Variants in APBB1IP observed in about 807,000 individuals in gnomAD.
The protein encoded by APBB1IP is amyloid beta A4 precursor protein-binding family B member 1-interacting protein.
APBB1IP carries 27 observed loss-of-function variants against 64.9 expected under a neutral mutation model. The observed-to-expected ratio is 0.42, with a 90% CI of 0.31 to 0.57. APBB1IP has a LOEUF of 0.57. Among genes scored for constraint, APBB1IP ranks in the 20% least tolerant of loss-of-function variants. APBB1IP has a pLI of 0.20. For missense variants in APBB1IP, 812 were observed against 845.5 expected, an observed-to-expected ratio of 0.96 and a Z score of 0.49; for synonymous variants, 392 against 331.0, an observed-to-expected ratio of 1.18 and a Z score of -2.00.
chr10:26,566,628 C>A (rs1837047689), intron 14 of APBB1IP, among the ~76,000 whole-genome samples: 1 of 152,098 alleles, frequency 6.6e-6, no homozygotes. Context: ...TATTCCAGAA[C>A]AAAGATGAGC....
At chr10:26,506,224 C>T (rs1836174103) in intron 6 of APBB1IP, among the ~76,000 whole-genome samples, 1 of 129,740 alleles carries the variant, frequency 7.7e-6, no homozygotes, top group Non-Finnish European at 1.5e-5. Flanking sequence ...GTGTTCCCCT[C>T]AGTGCTTAAC....
At chr10:26,517,841 G>T (rs1055166374) in intron 8 of APBB1IP, among the ~76,000 whole-genome samples, 1 of 152,208 alleles carries the variant, frequency 6.6e-6, no homozygotes, top group African/African-American at 2.4e-5. Flanking sequence ...GCTGTTGGGA[G>T]CATTCTTATA....
At chr10:26,476,849 G>A (rs1372079501) in intron 2 of APBB1IP, among the ~76,000 whole-genome samples, 2 of 152,092 alleles carry the variant, frequency 1.3e-5, no homozygotes, top group African/African-American at 4.8e-5. Flanking sequence ...CACCCAGGCT[G>A]GAGTACAATG....
At chr10:26,566,916 T>C (rs1837052166) in intron 14 of APBB1IP, 45 bp from the exon 15 acceptor site, 1 of 1,511,002 alleles carries the variant, frequency 6.6e-7, no homozygotes, top group Non-Finnish European at 8.7e-7. Context: ...ATTTAAAATT[T>C]CAAAAATTAA....
chr10:26,461,581 A>G (rs996821176), intron 2 of APBB1IP, among the ~76,000 whole-genome samples: 2 of 151,982 alleles, frequency 1.3e-5, no homozygotes, highest in Admixed American at 1.3e-4. Context: ...TTGAGAGTCA[A>G]CTTGCTGACT....
intron 2 of APBB1IP, among the ~76,000 whole-genome samples, chr10:26,439,976 G>A (rs1835322635): frequency 6.6e-6 from 1 of 152,174 alleles, no homozygotes; most frequent in Non-Finnish European, 1.5e-5. Flanking sequence ...GGCGAAATTA[G>A]CAAGGATCTG....
At chr10:26,549,455 T>C (rs1448081566) in intron 11 of APBB1IP, among the ~76,000 whole-genome samples, 1 of 152,164 alleles carries the variant, frequency 6.6e-6, no homozygotes, top group Non-Finnish European at 1.5e-5. Flanking sequence ...GGGCTTTTCT[T>C]TGATAAGAGA....
chr10:26,552,248 A>G (rs1054948899), intron 11 of APBB1IP, among the ~76,000 whole-genome samples: 1 of 152,170 alleles, frequency 6.6e-6, no homozygotes, highest in Non-Finnish European at 1.5e-5. Context: ...GCAGTGAGTT[A>G]TGATCACACT....
chr10:26,534,333 G>A (rs1654863860), intron 9 of APBB1IP, among the ~76,000 whole-genome samples: 2 of 146,038 alleles, frequency 1.4e-5, no homozygotes, highest in South Asian at 2.2e-4. Flanking sequence ...GGATCTGTTC[G>A]CAGCACATAA....
rs1554778195 is a variant in APBB1IP at position 26,524,974 on chromosome 10, T to TTTTTTTTTTTTTTTTTTTTTTTTA, written c.814-8465_814-8464insTTTTTTTTTTTTTTTTTTTTTTTA. ...TTCTTTCTTTTTTTTTTTTTTTTTT[T>TTTTTTTTTTTTTTTTTTTTTTTTA]ATAAAAAAAGGAATCCTGGCAAGAG... is the stretch of plus-strand genomic sequence containing the variant. On this transcript the variant is annotated intron_variant, in intron 8 of 14. Coordinates refer to ENST00000376236, the MANE Select transcript of APBB1IP (RefSeq NM_019043.4). 6.1e-4 allele frequency among the ~76,000 whole-genome samples: 77 copies of TTTTTTTTTTTTTTTTTTTTTTTTA among 126,732 alleles called. 7 individuals carry two copies. The highest frequency in any genetic ancestry group is 3.8e-3 in the Middle Eastern group (1 of 262). 83.1% of individuals were successfully genotyped at this position (126,732 alleles called of 152,430 possible).
At chr10:26,459,907 C>G (rs1408651987) in intron 2 of APBB1IP, among the ~76,000 whole-genome samples, 3 of 152,008 alleles carry the variant, frequency 2.0e-5, no homozygotes, top group Non-Finnish European at 4.4e-5. Flanking sequence ...ATTAATCAGT[C>G]AAATATAGAA....
chr10:26,476,446 C>CAAAAAAAAAAAAA (rs58548133), intron 2 of APBB1IP, among the ~76,000 whole-genome samples: 6 of 78,196 alleles, frequency 7.7e-5, no homozygotes, highest in African/African-American at 2.2e-4. Flanking sequence ...GACCCTGTCT[C>CAAAAAAAAAAAAA]AAAAAAAAAA....
chr10:26,558,855 C>T (rs1836930529), intron 11 of APBB1IP, among the ~76,000 whole-genome samples: 1 of 152,170 alleles, frequency 6.6e-6, no homozygotes, highest in South Asian at 2.1e-4. Flanking sequence ...TCTTTCACAC[C>T]TGCCCATTTC....
At chr10:26,460,810 C>T (rs747253666) in intron 2 of APBB1IP, among the ~76,000 whole-genome samples, 10 of 152,020 alleles carry the variant, frequency 6.6e-5, no homozygotes, top group African/African-American at 1.2e-4. Context: ...GGATGGGGAG[C>T]GGGGAGAGCA....
At chr10:26,512,764 A>G (rs1458522233) in intron 7 of APBB1IP, among the ~76,000 whole-genome samples, 2 of 151,806 alleles carry the variant, frequency 1.3e-5, no homozygotes, top group African/African-American at 4.8e-5. Flanking sequence ...ACATCATCAT[A>G]TTTCTCATTT....
intron 3 of APBB1IP, among the ~76,000 whole-genome samples, chr10:26,494,560 G>A (rs941133209): frequency 3.9e-5 from 6 of 152,172 alleles, no homozygotes; most frequent in Admixed American, 3.9e-4. Flanking sequence ...GGGCACAGTG[G>A]CTCACACCTG....
chr10:26,503,404 G>A, intron 6 of APBB1IP, 130 bp downstream of exon 6: 2 of 778,274 alleles, frequency 2.6e-6, no homozygotes, highest in Non-Finnish European at 4.1e-6. Context: ...GGGAGGACAA[G>A]GTGGGTGGAT....
intron 2 of APBB1IP, among the ~76,000 whole-genome samples, chr10:26,486,511 G>T (rs1211607129): frequency 6.6e-6 from 1 of 152,158 alleles, no homozygotes; most frequent in Non-Finnish European, 1.5e-5. Context: ...ATGCATGAAG[G>T]GGAGTAGTGA....
In APBB1IP at chr10:26,469,289, T is replaced by A. The variant is rs145151998; in HGVS notation, c.1-23038T>A. ...TTTTTTTTTTTTTTGAGACAGAGTC[T>A]TGCTCTGTTGCTCAGGCTGGAGTGC... On this transcript the variant is annotated intron_variant, in intron 2 of 14. Transcript: ENST00000376236. 1.8e-3 allele frequency among the ~76,000 whole-genome samples: 256 copies of A among 143,826 alleles called. 2 individuals are homozygous for A. The highest frequency in any genetic ancestry group is 6.6e-3 in the African/African-American group (245 of 37,076). The allele number at this position is 143,826 out of a possible 152,430, so 94.4% of individuals were successfully genotyped here. A position where few individuals can be genotyped will look rare whatever the true frequency, so the allele number is the denominator to read the frequency against.
Sources: gnomAD v4.1 joint callset for allele counts (sites outside exome capture counted in the v4.1 genomes callset) on GRCh38, gnomAD v4.1.1 for gene constraint, MANE v1.5 for transcripts, NCBI Gene and HGNC (gene_info 2026-07-23, HGNC 2026-07-21) for gene names.